HTR1F: variants seen among roughly 807,000 people sequenced by gnomAD.
HTR1F encodes the protein 5-hydroxytryptamine receptor 1F.
In HTR1F, 17 loss-of-function variants were observed where a neutral mutation model predicts 24.0. The ratio of observed to expected loss-of-function variants is 0.71; its 90% CI spans 0.48 to 1.06. HTR1F has a LOEUF of 1.06. Ranked by LOEUF, HTR1F falls within the 50% of genes least tolerant of loss-of-function variation. The pLI is 0.00. For missense variants in HTR1F, 391 were observed against 427.8 expected (o/e 0.91, Z 0.76); for synonymous variants, 186 against 156.8 (o/e 1.19, Z -1.39).
At chr3:87,802,807 A>T (rs1207984116) in intron 1 of HTR1F, among the ~76,000 whole-genome samples, 1 of 152,196 alleles carries the variant, frequency 6.6e-6, no homozygotes, top group African/African-American at 2.4e-5. Context: ...GCATATTTTC[A>T]TGCCTTTTTA....
intron 2 of HTR1F, among the ~76,000 whole-genome samples, chr3:87,875,319 G>A (rs950388227): frequency 4.6e-5 from 7 of 151,792 alleles, no homozygotes; most frequent in Non-Finnish European, 1.0e-4. Context: ...GCATGGTGGT[G>A]GCTGCCTGTA....
At chr3:87,875,329 A>G (rs1705646265) in intron 2 of HTR1F, among the ~76,000 whole-genome samples, 1 of 151,710 alleles carries the variant, frequency 6.6e-6, no homozygotes, top group Non-Finnish European at 1.5e-5. Context: ...GGCTGCCTGT[A>G]ATCCCAGCTA....
At chr3:87,962,958 GT>G (rs1705092719) in intron 2 of HTR1F, among the ~76,000 whole-genome samples, 1 of 150,984 alleles carries the variant, frequency 6.6e-6, no homozygotes, top group Non-Finnish European at 1.5e-5. Flanking sequence ...TGAAAATTAT[GT>G]ATTTTTTTTA....
At chr3:87,948,558 T>C (rs75566937) in intron 2 of HTR1F, among the ~76,000 whole-genome samples, 6,482 of 152,062 alleles carry the variant, frequency 0.043, 464 homozygotes, top group African/African-American at 0.15. Context: ...CACAGCTCAC[T>C]GCAACCTTGA....
intron 1 of HTR1F, among the ~76,000 whole-genome samples, chr3:87,793,967 G>T (rs1703859848): frequency 1.2e-5 from 1 of 85,772 alleles, no homozygotes; most frequent in Non-Finnish European, 2.4e-5. Flanking sequence ...GATATGCTAT[G>T]CCAAAAAAAA....
chr3:87,930,297 C>T (rs1173028526), intron 2 of HTR1F, among the ~76,000 whole-genome samples: 1 of 152,130 alleles, frequency 6.6e-6, no homozygotes, highest in Non-Finnish European at 1.5e-5. Flanking sequence ...CCTGATTGCT[C>T]TGTCCAGGAC....
At chr3:87,891,170 T>A (rs988393562) in intron 2 of HTR1F, among the ~76,000 whole-genome samples, 4 of 152,212 alleles carry the variant, frequency 2.6e-5, no homozygotes, top group African/African-American at 9.7e-5. Flanking sequence ...AAGAACATTT[T>A]ATGCATATGT....
intron 2 of HTR1F, among the ~76,000 whole-genome samples, chr3:87,915,184 A>G (rs768593252): frequency 7.2e-5 from 11 of 152,200 alleles, no homozygotes; most frequent in Admixed American, 3.3e-4. Context: ...ATACTGTGGG[A>G]CAAAAGAATC....
At chr3:87,842,072 A>G (rs560258452) in intron 2 of HTR1F, among the ~76,000 whole-genome samples, 2 of 152,006 alleles carry the variant, frequency 1.3e-5, no homozygotes, top group African/African-American at 4.8e-5. Flanking sequence ...CTTCATTCCC[A>G]TTAAGGTTAC....
chr3:87,798,823 G>A (rs1703948338), intron 1 of HTR1F, among the ~76,000 whole-genome samples: 1 of 152,076 alleles, frequency 6.6e-6, no homozygotes, highest in African/African-American at 2.4e-5. Flanking sequence ...TTTTCCTGAG[G>A]CTCAGAGACA....
chr3:87,877,127 C>T (rs1705688129), intron 2 of HTR1F, among the ~76,000 whole-genome samples: 1 of 152,134 alleles, frequency 6.6e-6, no homozygotes, highest in South Asian at 2.1e-4. Flanking sequence ...TAGAAGCATA[C>T]AAGATTTGTA....
chr3:87,960,062 C>T (rs1705028865), intron 2 of HTR1F, among the ~76,000 whole-genome samples: 1 of 151,888 alleles, frequency 6.6e-6, no homozygotes, highest in Non-Finnish European at 1.5e-5. Context: ...TAATTCTCAG[C>T]CTAGCTACAC....
chr3:87,961,533 G>A (rs1705060122), intron 2 of HTR1F, among the ~76,000 whole-genome samples: 1 of 152,000 alleles, frequency 6.6e-6, no homozygotes, highest in African/African-American at 2.4e-5. Context: ...AGGCCTAGAT[G>A]GGAGGATCAC....
intron 2 of HTR1F, among the ~76,000 whole-genome samples, chr3:87,906,881 G>T (rs1456505783): frequency 6.6e-6 from 1 of 151,992 alleles, no homozygotes; most frequent in Non-Finnish European, 1.5e-5. Flanking sequence ...ACTTCTTATG[G>T]CTGAGTAGTA....
intron 2 of HTR1F, among the ~76,000 whole-genome samples, chr3:87,880,371 A>T (rs1458591669): frequency 1.3e-5 from 2 of 152,318 alleles, no homozygotes; most frequent in Middle Eastern, 3.4e-3. Flanking sequence ...ACCAAAATTA[A>T]TCAGCTCTTT....
intron 2 of HTR1F, among the ~76,000 whole-genome samples, chr3:87,961,363 C>A (rs1705056724): frequency 6.6e-6 from 1 of 151,900 alleles, no homozygotes; most frequent in Non-Finnish European, 1.5e-5. Context: ...AAGGAGGAAG[C>A]CAAAAAGTGT....
intron 2 of HTR1F, among the ~76,000 whole-genome samples, chr3:87,854,458 G>T (rs1474904596): frequency 1.3e-5 from 2 of 150,998 alleles, no homozygotes; most frequent in African/African-American, 2.4e-5. Flanking sequence ...TTATTTCTTA[G>T]TCTGACTTCT....
At chr3:87,987,715 TGTATTTTATATATGTA>T (rs1257421995) in intron 2 of HTR1F, among the ~76,000 whole-genome samples, 22 of 92,384 alleles carry the variant, frequency 2.4e-4, no homozygotes, top group African/African-American at 1.0e-3. Context: ...ATTATATATA[TGTATTTTATATATGTA>T]TTTTATATAT....
intron 2 of HTR1F, among the ~76,000 whole-genome samples, chr3:87,882,478 C>A (rs1177127964): frequency 6.6e-6 from 1 of 151,940 alleles, no homozygotes; most frequent in Non-Finnish European, 1.5e-5. Flanking sequence ...CAATGATAGA[C>A]TGGATTAAGA....
Sources: allele counts gnomAD v4.1 joint callset (sites outside exome capture counted in the v4.1 genomes callset), GRCh38; gene constraint gnomAD v4.1.1; transcripts MANE v1.5; gene names NCBI Gene and HGNC (gene_info 2026-07-23, HGNC 2026-07-21).